Variants in SMC6 observed in about 807,000 individuals in gnomAD.
The protein encoded by SMC6 is structural maintenance of chromosomes 6.
A neutral mutation model predicts 142.2 loss-of-function variants in SMC6; 79 were observed. That is an observed-to-expected ratio of 0.56 (90% CI 0.46 to 0.67). The LOEUF is 0.67. Ranked by LOEUF, SMC6 falls within the 30% of genes least tolerant of loss-of-function variation. The probability of loss-of-function intolerance (pLI) is 0.00; values close to 1 mark genes in which losing one functional copy is unlikely to be tolerated. For missense variants in SMC6, 1,072 were observed against 1,284.0 expected, an observed-to-expected ratio of 0.83 and a Z score of 2.52; for synonymous variants, 411 against 412.4, an observed-to-expected ratio of 1.00 and a Z score of 0.04.
chr2:17,750,288 CAA>C (rs756963504), intron 2 of SMC6, among the ~76,000 whole-genome samples: 11 of 152,234 alleles, frequency 7.2e-5, no homozygotes, highest in Admixed American at 2.0e-4. Flanking sequence ...AGAGATAAAA[CAA>C]GAGATTTAAA....
At chr2:17,665,987 G>A (rs989685366) in intron 27 of SMC6, among the ~76,000 whole-genome samples, 2 of 152,166 alleles carry the variant, frequency 1.3e-5, no homozygotes, top group East Asian at 3.8e-4. Context: ...TTAACTCTAA[G>A]TGACATAGTG....
chr2:17,702,037 G>T, intron 19 of SMC6, 128 bp from the exon 20 acceptor site: 1 of 576,440 alleles, frequency 1.7e-6, no homozygotes. Context: ...AATGAAAGGG[G>T]TACATTAGTA....
At chr2:17,671,649 AT>A (rs1167593428) in intron 25 of SMC6, among the ~76,000 whole-genome samples, 7 of 149,266 alleles carry the variant, frequency 4.7e-5, no homozygotes, top group Non-Finnish European at 1.0e-4. Flanking sequence ...TTTGTATTGT[AT>A]TTATTTTGAA....
chr2:17,713,172 C>G (rs1668912718), intron 16 of SMC6, among the ~76,000 whole-genome samples: 1 of 152,170 alleles, frequency 6.6e-6, no homozygotes, highest in South Asian at 2.1e-4. Context: ...CTCTAAAAAA[C>G]TCTAATGTTT....
At chr2:17,701,537 C>A (rs935480618) in intron 20 of SMC6, among the ~76,000 whole-genome samples, 4 of 152,162 alleles carry the variant, frequency 2.6e-5, no homozygotes, top group Non-Finnish European at 5.9e-5. Context: ...TGCTCAACAG[C>A]AGGGTTTGAT....
In SMC6 at chr2:17,731,871, T is replaced by C. The variant is rs372621253; in HGVS notation, c.351A>G (p.Ala117=). Residue 117 remains alanine, a synonymous_variant, in exon 6 of 28, where the codon GCA becomes GCG. Coordinates refer to ENST00000448223, the MANE Select transcript of SMC6 (RefSeq NM_001142286.2). ...KGFVKDGQNS[A]DISITLRNRG... is the part of the protein sequence containing the mutation. The stretch of plus-strand genomic sequence containing the variant: ...TGTTCCTCAATGTTATTGAGATATC[T>C]GCAGAGCTGAAAGAATGAGGTTGAG... 1.8e-5 allele frequency: 29 copies of C among 1,613,102 alleles called. No individual in the cohort carries two copies. The highest frequency in any genetic ancestry group is 2.7e-5 in the African/African-American group (2 of 74,904).
At chr2:17,734,048 C>T (rs139266876) in intron 5 of SMC6, among the ~76,000 whole-genome samples, 9 of 152,252 alleles carry the variant, frequency 5.9e-5, no homozygotes, top group Admixed American at 2.0e-4. Context: ...CACAGAAGTA[C>T]AGCCAATTAA....
chr2:17,738,845 G>A (rs1670287179), intron 4 of SMC6, among the ~76,000 whole-genome samples: 1 of 151,830 alleles, frequency 6.6e-6, no homozygotes, highest in Admixed American at 6.6e-5. Context: ...ACACAGTGTT[G>A]GTATGTTGCC....
At chr2:17,727,012 A>G (rs921360124) in intron 7 of SMC6, among the ~76,000 whole-genome samples, 2 of 152,360 alleles carry the variant, frequency 1.3e-5, no homozygotes, top group Admixed American at 1.3e-4. Context: ...GAAGTTCTTC[A>G]TATTATTCCT....
At chr2:17,672,627 A>G (rs1666814906) in intron 25 of SMC6, among the ~76,000 whole-genome samples, 1 of 152,092 alleles carries the variant, frequency 6.6e-6, no homozygotes, top group African/African-American at 2.4e-5. Flanking sequence ...ACCCAAAATC[A>G]CTCTTAACAG....
chr2:17,683,953 A>C (rs948940670), intron 23 of SMC6, among the ~76,000 whole-genome samples, 190 bp from the exon 24 acceptor site: 2 of 152,164 alleles, frequency 1.3e-5, no homozygotes, highest in African/African-American at 4.8e-5. Flanking sequence ...CGGAATAAGA[A>C]AGTGCTATCC....
chr2:17,698,167 C>T (rs1293618171), intron 21 of SMC6, among the ~76,000 whole-genome samples: 4 of 151,806 alleles, frequency 2.6e-5, no homozygotes, highest in South Asian at 2.1e-4. Flanking sequence ...TTAATCAGTA[C>T]GGGTTTCTTT....
intron 25 of SMC6, among the ~76,000 whole-genome samples, chr2:17,678,293 C>T (rs1215310119): frequency 2.0e-5 from 3 of 152,050 alleles, no homozygotes; most frequent in African/African-American, 7.2e-5. Flanking sequence ...AAGGTAAATA[C>T]TTGTCACTGA....
At chr2:17,733,186 G>A (rs1029613877) in intron 5 of SMC6, among the ~76,000 whole-genome samples, 2 of 152,212 alleles carry the variant, frequency 1.3e-5, no homozygotes, top group African/African-American at 2.4e-5. Flanking sequence ...TGTGGGAAAT[G>A]CAGGAAGAAA....
intron 21 of SMC6, among the ~76,000 whole-genome samples, chr2:17,696,972 G>A (rs1668032942): frequency 6.6e-6 from 1 of 151,768 alleles, no homozygotes; most frequent in African/African-American, 2.4e-5. Flanking sequence ...TAAAACAAGA[G>A]GTATGGCTAA....
At chr2:17,721,114 C>G (rs11897477) in intron 10 of SMC6, 28 bp downstream of exon 10, 173,310 of 1,610,028 alleles carry the variant, frequency 0.11, 10,357 homozygotes, top group African/African-American at 0.25. Flanking sequence ...CACATAGATA[C>G]GTGAACAAGT....
At chr2:17,729,496 A>C (rs1020929435) in intron 7 of SMC6, among the ~76,000 whole-genome samples, 7 of 152,222 alleles carry the variant, frequency 4.6e-5, no homozygotes, top group African/African-American at 1.2e-4. Context: ...AAGAAGGAAG[A>C]AGCCTTGGAC....
intron 5 of SMC6, among the ~76,000 whole-genome samples, chr2:17,735,403 A>G (rs1185418748): frequency 1.3e-5 from 2 of 152,242 alleles, no homozygotes. Flanking sequence ...AAGGAATAAG[A>G]AAAGTCATAT....
At chr2:17,725,489 G>T in intron 8 of SMC6, 131 bp from the exon 9 acceptor site, 1 of 573,684 alleles carries the variant, frequency 1.7e-6, no homozygotes, top group Non-Finnish European at 3.0e-6. Context: ...AAAAACGTAA[G>T]CAATCACACA....
Sources: allele counts gnomAD v4.1 joint callset (sites outside exome capture counted in the v4.1 genomes callset), GRCh38; gene constraint gnomAD v4.1.1; transcripts MANE v1.5; gene names NCBI Gene and HGNC (gene_info 2026-07-23, HGNC 2026-07-21).